Variants in PSMA1 observed in about 807,000 individuals in gnomAD.
PSMA1 encodes the protein proteasome subunit alpha type-1.
Under a neutral mutation model 38.4 loss-of-function variants are expected in PSMA1, and 3 were observed. That is an observed-to-expected ratio of 0.08 (90% CI 0.04 to 0.20). The LOEUF is 0.20. PSMA1 is among the 10% of genes least tolerant of loss of function. The probability of loss-of-function intolerance (pLI) is 1.00; values close to 1 mark genes in which losing one functional copy is unlikely to be tolerated. For synonymous variants in PSMA1, 101 were observed against 107.1 expected (o/e 0.94, Z 0.35); for missense variants, 227 against 325.3 (o/e 0.70, Z 2.32).
chr11:14,506,959 A>G (rs1851253557), intron 9 of PSMA1, among the ~76,000 whole-genome samples: 1 of 152,168 alleles, frequency 6.6e-6, no homozygotes, highest in South Asian at 2.1e-4. Flanking sequence ...AAGACATGTG[A>G]CTGAAGTTAT....
chr11:14,592,196 G>GTA (rs1852424695), intron 2 of PSMA1, among the ~76,000 whole-genome samples: 1 of 152,092 alleles, frequency 6.6e-6, no homozygotes, highest in African/African-American at 2.4e-5. Flanking sequence ...CTTAACAGCT[G>GTA]TAACACTCAC....
rs370451946 is a variant in PSMA1 at position 14,507,232 on chromosome 11, G to A, written c.735+424C>T. On this transcript the variant is annotated intron_variant, in intron 9 of 9. Transcript: ENST00000396394. ...CGCCCAGGCTGGAGGGCAGTGGTAG[G>A]ATCTCAGCTCACTGCAACCTCCGCC... is the stretch of plus-strand genomic sequence containing the variant. 1.1e-3 allele frequency among the ~76,000 whole-genome samples: 162 copies of A among 151,908 alleles called. 1 individual carries two copies. Among genetic ancestry groups the A allele is most frequent in the South Asian group, 7.5e-3 (36 of 4,804 alleles).
intron 2 of PSMA1, among the ~76,000 whole-genome samples, chr11:14,570,320 C>T (rs567513895): frequency 1.4e-4 from 22 of 152,300 alleles, no homozygotes; most frequent in African/African-American, 5.1e-4. Flanking sequence ...TCCAAAGGAA[C>T]ACAGCTCCTC....
At chr11:14,586,901 C>T (rs1418281263) in intron 2 of PSMA1, among the ~76,000 whole-genome samples, 1 of 152,062 alleles carries the variant, frequency 6.6e-6, no homozygotes, top group Non-Finnish European at 1.5e-5. Context: ...GCTGGGATTA[C>T]AGGTGCATGC....
chr11:14,530,446 A>G (rs1350904234), intron 2 of PSMA1, among the ~76,000 whole-genome samples: 5 of 152,232 alleles, frequency 3.3e-5, no homozygotes, highest in Non-Finnish European at 7.3e-5. Context: ...AGACAGAAAG[A>G]GTCCCTTTTA....
At chr11:14,575,594 C>T (rs1012555027) in intron 2 of PSMA1, among the ~76,000 whole-genome samples, 7 of 152,058 alleles carry the variant, frequency 4.6e-5, no homozygotes, top group Middle Eastern at 3.2e-3. Context: ...TGAACTCATC[C>T]TTTTTTATGG....
intron 2 of PSMA1, among the ~76,000 whole-genome samples, chr11:14,562,433 G>T (rs1852020160): frequency 6.6e-6 from 1 of 152,144 alleles, no homozygotes; most frequent in African/African-American, 2.4e-5. Flanking sequence ...GACCTCAATG[G>T]TCTTTAGCCC....
At chr11:14,522,181 T>C (rs1476701924), upstream of PSMA1, among the ~76,000 whole-genome samples, 1 of 152,208 alleles carries the variant, frequency 6.6e-6, no homozygotes, top group Non-Finnish European at 1.5e-5. Flanking sequence ...TAAAAAGTTA[T>C]AGCTATCATA....
At chr11:14,592,378 A>ATC (rs1565052873) in intron 2 of PSMA1, among the ~76,000 whole-genome samples, 5 of 101,794 alleles carry the variant, frequency 4.9e-5, no homozygotes, top group African/African-American at 1.8e-4. Flanking sequence ...CTCTCTCTCT[A>ATC]TATATATATA....
intron 2 of PSMA1, among the ~76,000 whole-genome samples, chr11:14,575,722 G>T (rs1042748751): frequency 6.6e-6 from 1 of 152,078 alleles, no homozygotes; most frequent in African/African-American, 2.4e-5. Context: ...ATAAACATAC[G>T]TGTGCATGTG....
chr11:14,554,932 C>T (rs1000085007), intron 2 of PSMA1, among the ~76,000 whole-genome samples: 6 of 152,212 alleles, frequency 3.9e-5, no homozygotes, highest in Admixed American at 2.0e-4. Flanking sequence ...ACTCTTACTA[C>T]TATGCTTTAT....
chr11:14,569,970 A>C (rs564792324), intron 2 of PSMA1, among the ~76,000 whole-genome samples: 1 of 152,222 alleles, frequency 6.6e-6, no homozygotes, highest in Non-Finnish European at 1.5e-5. Flanking sequence ...GTAGGGGCCA[A>C]CTGACACCTC....
intron 2 of PSMA1, among the ~76,000 whole-genome samples, chr11:14,572,761 C>A (rs187313853): frequency 1.3e-5 from 2 of 152,126 alleles, no homozygotes; most frequent in East Asian, 3.9e-4. Context: ...AACTGATAGA[C>A]TGATAGCAAG....
At chr11:14,537,797 C>T (rs1378445567) in intron 2 of PSMA1, among the ~76,000 whole-genome samples, 1 of 150,116 alleles carries the variant, frequency 6.7e-6, no homozygotes, top group Non-Finnish European at 1.5e-5. Context: ...CAACTTCCAT[C>T]TCCCAGGTTC....
chr11:14,640,830 A>T (rs1366720980), intron 1 of PSMA1, among the ~76,000 whole-genome samples: 2 of 152,234 alleles, frequency 1.3e-5, no homozygotes, highest in Non-Finnish European at 2.9e-5. Flanking sequence ...ATAAATTTGG[A>T]ATCTCAATGA....
chr11:14,554,299 AG>A (rs1447484654), intron 2 of PSMA1, among the ~76,000 whole-genome samples: 1 of 152,140 alleles, frequency 6.6e-6, no homozygotes, highest in Non-Finnish European at 1.5e-5. Context: ...TATTTTACAG[AG>A]CAAAAGTTTT....
chr11:14,608,601 A>G (rs1852671799), intron 2 of PSMA1, among the ~76,000 whole-genome samples: 1 of 148,222 alleles, frequency 6.7e-6, no homozygotes, highest in African/African-American at 2.4e-5. Flanking sequence ...AATTTTATAT[A>G]TATAAAATAT....
At chr11:14,594,449 T>A (rs1301847390) in intron 2 of PSMA1, among the ~76,000 whole-genome samples, 1 of 152,178 alleles carries the variant, frequency 6.6e-6, no homozygotes, top group Admixed American at 6.5e-5. Flanking sequence ...ATTTCCATCA[T>A]GTCTAGACCA....
At chr11:14,571,651 T>A (rs1353665402) in intron 2 of PSMA1, among the ~76,000 whole-genome samples, 1 of 152,150 alleles carries the variant, frequency 6.6e-6, no homozygotes, top group Non-Finnish European at 1.5e-5. Context: ...AGGATCAAAT[T>A]CACACATAAC....
Sources: gnomAD v4.1 joint callset for allele counts (sites outside exome capture counted in the v4.1 genomes callset) on GRCh38, gnomAD v4.1.1 for gene constraint, MANE v1.5 for transcripts, NCBI Gene and HGNC (gene_info 2026-07-23, HGNC 2026-07-21) for gene names.